HSPG2: variants seen among roughly 807,000 people sequenced by gnomAD.
HSPG2 encodes basement membrane-specific heparan sulfate proteoglycan core protein.
HSPG2 carries 278 observed loss-of-function variants against 526.6 expected under a neutral mutation model. The observed-to-expected ratio is 0.53, with a 90% CI of 0.48 to 0.58. The LOEUF (loss-of-function observed/expected upper bound fraction) is 0.58, where lower values mean the gene tolerates loss of function less well. HSPG2 is among the 20% of genes least tolerant of loss of function. The pLI is 0.00. For synonymous variants in HSPG2, 2,465 were observed against 2,555.4 expected, an observed-to-expected ratio of 0.96 and a Z score of 1.07; for missense variants, 5,354 against 6,099.5, an observed-to-expected ratio of 0.88 and a Z score of 4.07.
rs544378351 is a variant in HSPG2, at chr1:21,907,277, G to A, written c.64-10967C>T. 4.6e-5 allele frequency among the ~76,000 whole-genome samples: 7 copies of A among 152,308 alleles called. No individual in the cohort carries two copies. In the South Asian group the frequency reaches 1.2e-3, roughly 27 times the overall value. On this transcript the variant is annotated intron_variant, in intron 1 of 96. Coordinates refer to ENST00000374695, the MANE Select transcript of HSPG2 (RefSeq NM_005529.7). The stretch of plus-strand genomic sequence containing the variant: ...ACCGGGGCAGGGGCTCACTCCCAGG[G>A]CCGGCGACCATGCAGGTAAGGGGGT...
chr1:21,842,048 T>A lies in HSPG2; in HGVS notation c.9147A>T (p.Ala3049=). The A allele has an allele frequency of 6.2e-7, 1 of 1,613,606 alleles. No individual in the cohort carries two copies. The highest frequency in any genetic ancestry group is 1.1e-5 in the South Asian group (1 of 91,084). ...TCTTCCACTCGAGGCTGATGGGGGCTGCCCCGTCATGGATGAGGCACTTGA... is the reference window on the plus strand; with the variant it reads ...TCTTCCACTCGAGGCTGATGGGGGCAGCCCCGTCATGGATGAGGCACTTGA... ...ASFKCLIHDG[A]APISLEWKTR... is the part of the protein sequence containing the mutation. The change falls in exon 69 of 97, where the codon GCA becomes GCT. Residue 3049 remains alanine, a synonymous_variant. Transcript: ENST00000374695.
intron 1 of HSPG2, among the ~76,000 whole-genome samples, chr1:21,913,288 C>T (rs940972125): frequency 2.6e-5 from 4 of 152,106 alleles, no homozygotes; most frequent in South Asian, 2.1e-4. Flanking sequence ...CTCTGGCACC[C>T]AGAGCTGGTC....
chr1:21,842,997 G>A (rs2098055864), intron 66 of HSPG2, 76 bp from the exon 67 acceptor site: 2 of 1,544,770 alleles, frequency 1.3e-6, no homozygotes, highest in Non-Finnish European at 1.8e-6. Flanking sequence ...TGGCAGTGAA[G>A]ACCAGCTCCA....
intron 1 of HSPG2, among the ~76,000 whole-genome samples, chr1:21,907,491 C>T (rs1021192251): frequency 3.9e-5 from 6 of 152,064 alleles, no homozygotes; most frequent in African/African-American, 7.2e-5. Context: ...AGCGGGGCAC[C>T]GTTAGAGTTT....
rs72662440 is a variant in HSPG2 at position 21,895,100 on chromosome 1, T to A, written c.244+822A>T. Among the ~76,000 whole-genome samples the A allele has an allele frequency of 0.013, 2,010 of 149,636 alleles. 24 individuals carry two copies. Among genetic ancestry groups the A allele is most frequent in the Non-Finnish European group, 0.021 (1,426 of 66,974 alleles). ...GCCCAGGCCAGATTTGGCCAAGGCC[T>A]GCCTAGGGTGAAGGCAGCCCTGGAT... is the stretch of plus-strand genomic sequence containing the variant. On this transcript the variant is annotated intron_variant, in intron 3 of 96. Coordinates refer to ENST00000374695, the MANE Select transcript of HSPG2 (RefSeq NM_005529.7). The surrounding 1 kb of genome is among the most constrained non-coding windows in gnomAD (Gnocchi z 4.1).
At chr1:21,923,470 A>C (rs72870263) in intron 1 of HSPG2, among the ~76,000 whole-genome samples, 14,900 of 152,072 alleles carry the variant, frequency 0.098, 1,749 homozygotes, top group East Asian at 0.39. Context: ...TTGCACATCC[A>C]TGAGCTCATC....
In HSPG2 at chr1:21,895,869, G is replaced by T; in HGVS notation, c.244+53C>A. The T allele has an allele frequency of 6.4e-7, 1 of 1,573,526 alleles. No homozygotes were observed. Among genetic ancestry groups the T allele is most frequent in the South Asian group, 1.1e-5 (1 of 90,066 alleles). ...CCCTCAGCCCAGGAGACTGGCTCTGGGGCTTCCCTGGGGGACAGGAGGGAG... is the reference window on the plus strand; with the variant it reads ...CCCTCAGCCCAGGAGACTGGCTCTGTGGCTTCCCTGGGGGACAGGAGGGAG... On this transcript the variant is annotated intron_variant, in intron 3 of 96. Coordinates refer to ENST00000374695, the MANE Select transcript of HSPG2 (RefSeq NM_005529.7). The surrounding 1 kb of genome is among the most constrained non-coding windows in gnomAD (Gnocchi z 4.1).
intron 44 of HSPG2, among the ~76,000 whole-genome samples, chr1:21,856,168 C>T (rs1367930780): frequency 6.6e-6 from 1 of 152,146 alleles, no homozygotes; most frequent in Non-Finnish European, 1.5e-5. Context: ...CCATGCTCTC[C>T]CGTCTGCCCA....
At chr1:21,833,416 C>T (rs766120903) in intron 79 of HSPG2, 32 bp from the exon 80 acceptor site, 14 of 1,613,892 alleles carry the variant, frequency 8.7e-6, no homozygotes, top group Admixed American at 1.7e-5. Context: ...GAAGACCCTG[C>T]CAGTCAGGGA....
At chr1:21,926,787 A>AT (rs1557837669) in intron 1 of HSPG2, among the ~76,000 whole-genome samples, 2 of 91,882 alleles carry the variant, frequency 2.2e-5, no homozygotes, top group Non-Finnish European at 5.1e-5. Flanking sequence ...AAAAAAAAAA[A>AT]AGAGAGAAAG....
chr1:21,910,463 A>T (rs1257832271), intron 1 of HSPG2, among the ~76,000 whole-genome samples: 3 of 152,208 alleles, frequency 2.0e-5, no homozygotes, highest in African/African-American at 7.2e-5. Context: ...CAACTCTGCC[A>T]TCGATCTTCT....
In HSPG2 at chr1:21,839,290, C is replaced by T. The variant is rs1230023308; in HGVS notation, c.9889+81G>A. On this transcript the variant is annotated intron_variant, in intron 73 of 96. Coordinates refer to ENST00000374695, the MANE Select transcript of HSPG2 (RefSeq NM_005529.7). The surrounding 1 kb of genome is among the most constrained non-coding windows in gnomAD (Gnocchi z 4.5). The stretch of plus-strand genomic sequence containing the variant: ...GCCTGGAGACCTCTGGATGGGGTTC[C>T]TGGGGTTCTGTGTGGGGTGGAGCCT... 5 of 1,544,604 alleles carry T rather than the reference C, an allele frequency of 3.2e-6. No homozygotes were observed. Among genetic ancestry groups the T allele is most frequent in the East Asian group, 2.2e-5 (1 of 44,638 alleles).
At chr1:21,881,218 G>C (rs945723274) in intron 14 of HSPG2, 121 bp downstream of exon 14, 2 of 1,177,154 alleles carry the variant, frequency 1.7e-6, no homozygotes, top group Admixed American at 1.7e-5. Context: ...GCCACAGGGG[G>C]CTGCATCGGG....
intron 13 of HSPG2, among the ~76,000 whole-genome samples, chr1:21,883,566 C>A (rs1641659631): frequency 1.3e-5 from 2 of 152,150 alleles, no homozygotes; most frequent in African/African-American, 4.8e-5. Context: ...CACAAGCAAT[C>A]CTCCCTCCCC....
intron 33 of HSPG2, chr1:21,869,497 G>A (rs1219574061): frequency 3.0e-6 from 3 of 987,604 alleles, no homozygotes; most frequent in Non-Finnish European, 3.6e-6. Context: ...CAGAGAAGCT[G>A]AGGAAGAGGA....
At chr1:21,889,854 A>C in intron 6 of HSPG2, 127 bp downstream of exon 6, 1 of 938,522 alleles carries the variant, frequency 1.1e-6, no homozygotes, top group Non-Finnish European at 1.8e-6. Flanking sequence ...GATGGGGCAG[A>C]CTCAGGAGTA....
Position 21,828,694 on chromosome 1 carries a change from C to T in HSPG2, c.12237+141G>A, listed in dbSNP as rs2097987884. On this transcript the variant is annotated intron_variant, in intron 88 of 96. Coordinates refer to ENST00000374695, the MANE Select transcript of HSPG2 (RefSeq NM_005529.7). The surrounding 1 kb of genome is among the most constrained non-coding windows in gnomAD (Gnocchi z 6.0). ...CATTTTACAGAGGAGGAAACTGAGG[C>T]TCAGAGGTACAGTGTCCTGGCCCAG... 8.0e-7 allele frequency: 1 copy of T among 1,249,760 alleles called. No individual in the cohort carries two copies. The highest frequency in any genetic ancestry group is 1.1e-6 in the Non-Finnish European group (1 of 887,642). 77.4% of individuals were successfully genotyped at this position (1,249,760 alleles called of 1,614,324 possible). A position where few individuals can be genotyped will look rare whatever the true frequency, so the allele number is the denominator to read the frequency against.
chr1:21,933,690 T>TG (rs1006457942), intron 1 of HSPG2, among the ~76,000 whole-genome samples: 13 of 152,194 alleles, frequency 8.5e-5, no homozygotes, highest in African/African-American at 1.4e-4. Context: ...GCCTAAGGGA[T>TG]GGGGGGGTGG....
intron 1 of HSPG2, among the ~76,000 whole-genome samples, chr1:21,927,062 AG>A (rs1361256340): frequency 2.0e-5 from 3 of 152,006 alleles, no homozygotes; most frequent in African/African-American, 7.2e-5. Flanking sequence ...AGGGACCCGG[AG>A]GTGGGCTGGG....
Sources: gnomAD v4.1 joint callset for allele counts (sites outside exome capture counted in the v4.1 genomes callset) on GRCh38, gnomAD v4.1.1 for gene constraint, Gnocchi (gnomAD v3.1) non-coding constraint, MANE v1.5 for transcripts, NCBI Gene and HGNC (gene_info 2026-07-23, HGNC 2026-07-21) for gene names.